Variants in PLCL1 observed in about 807,000 individuals in gnomAD.
The protein encoded by PLCL1 is phospholipase C like 1 (inactive).
Under a neutral mutation model 84.4 loss-of-function variants are expected in PLCL1, and 41 were observed. The observed-to-expected ratio is 0.49, with a 90% CI of 0.38 to 0.63. The LOEUF is 0.63. PLCL1 is among the 30% of genes least tolerant of loss of function. The probability of loss-of-function intolerance (pLI) is 0.00; values close to 1 mark genes in which losing one functional copy is unlikely to be tolerated. For synonymous variants in PLCL1, 490 were observed against 488.3 expected (o/e 1.00, Z -0.05); for missense variants, 1,206 against 1,367.8 (o/e 0.88, Z 1.87).
intron 1 of PLCL1, among the ~76,000 whole-genome samples, chr2:197,858,155 A>T (rs1687363241): frequency 6.6e-6 from 1 of 152,104 alleles, no homozygotes; most frequent in Admixed American, 6.6e-5. Flanking sequence ...TGAATATGTG[A>T]TCTATTGGTA....
chr2:198,001,562 A>G (rs1262411578), intron 1 of PLCL1, among the ~76,000 whole-genome samples: 1 of 152,172 alleles, frequency 6.6e-6, no homozygotes, highest in Non-Finnish European at 1.5e-5. Flanking sequence ...AATTATACAG[A>G]ATGTTCTCTT....
intron 1 of PLCL1, among the ~76,000 whole-genome samples, chr2:197,890,682 C>CTATATATATATATATATA (rs1553500076): frequency 1.6e-4 from 19 of 116,192 alleles, no homozygotes; most frequent in African/African-American, 4.9e-4. Context: ...TATTTTTTTG[C>CTATATATATATATATATA]TATATATATA....
intron 1 of PLCL1, among the ~76,000 whole-genome samples, chr2:198,046,652 A>C (rs1048750805): frequency 6.6e-5 from 10 of 152,156 alleles, no homozygotes; most frequent in Non-Finnish European, 1.5e-4. Context: ...AGCCTGGGCA[A>C]CGTGGTAAAA....
chr2:197,958,932 A>C (rs1349500102), intron 1 of PLCL1, among the ~76,000 whole-genome samples: 1 of 136,822 alleles, frequency 7.3e-6, no homozygotes, highest in Non-Finnish European at 1.6e-5. Context: ...CCTCTTAATT[A>C]CTACAGGATT....
chr2:197,929,713 C>T (rs1688898234), intron 1 of PLCL1, among the ~76,000 whole-genome samples: 1 of 152,256 alleles, frequency 6.6e-6, no homozygotes, highest in African/African-American at 2.4e-5. Context: ...GGTATGAATT[C>T]TAATGAGAGA....
chr2:198,031,279 G>T (rs1343788314), intron 1 of PLCL1, among the ~76,000 whole-genome samples: 1 of 151,706 alleles, frequency 6.6e-6, no homozygotes, highest in Non-Finnish European at 1.5e-5. Context: ...GAGGCGTGAG[G>T]ATTGCTTGAA....
At chr2:197,915,522 A>G (rs1332090269) in intron 1 of PLCL1, among the ~76,000 whole-genome samples, 1 of 143,576 alleles carries the variant, frequency 7.0e-6, no homozygotes, top group African/African-American at 2.6e-5. Context: ...TCAGAAGGAG[A>G]TTTTTTTTTT....
intron 1 of PLCL1, among the ~76,000 whole-genome samples, chr2:197,923,244 C>T (rs1290858395): frequency 5.4e-5 from 8 of 148,162 alleles, no homozygotes; most frequent in Admixed American, 2.0e-4. Flanking sequence ...GGCGGCTGGC[C>T]GGGCGGGGGG....
chr2:197,833,091 T>G lies in PLCL1; in HGVS notation c.240+27752T>G, dbSNP rs772288099. On this transcript the variant is annotated intron_variant, in intron 1 of 5. Coordinates refer to ENST00000428675, the MANE Select transcript of PLCL1 (RefSeq NM_006226.4). The stretch of plus-strand genomic sequence containing the variant: ...GGTGACATGTGCCTGGAATCCCAGC[T>G]ACTCAGGAGGCTGAGGCAGAGAATC... Among the ~76,000 whole-genome samples, 8 of 152,308 alleles carry G rather than the reference T, an allele frequency of 5.3e-5. No individual in the cohort carries two copies. The Middle Eastern group carries it at 0.01, about 194-fold the overall frequency.
intron 1 of PLCL1, among the ~76,000 whole-genome samples, chr2:197,961,946 T>C (rs146178555): frequency 1.3e-5 from 2 of 152,054 alleles, no homozygotes; most frequent in African/African-American, 4.8e-5. Context: ...AGTTATTCTA[T>C]TATAATTAGT....
At chr2:197,856,741 T>G (rs1391835682) in intron 1 of PLCL1, among the ~76,000 whole-genome samples, 4 of 152,144 alleles carry the variant, frequency 2.6e-5, no homozygotes, top group African/African-American at 9.7e-5. Context: ...CAAGTTTAGT[T>G]CAGACAACCA....
chr2:197,959,314 A>G (rs1237852978), intron 1 of PLCL1, among the ~76,000 whole-genome samples: 1 of 152,024 alleles, frequency 6.6e-6, no homozygotes, highest in African/African-American at 2.4e-5. Flanking sequence ...TCTTCTCCAG[A>G]ATTCCCTCTT....
intron 1 of PLCL1, among the ~76,000 whole-genome samples, chr2:197,884,330 G>A (rs942376122): frequency 5.9e-5 from 9 of 152,154 alleles, no homozygotes; most frequent in African/African-American, 2.2e-4. Context: ...GAAAGATGGG[G>A]CATAGGGCAA....
At chr2:197,997,568 C>T (rs748388960) in intron 1 of PLCL1, among the ~76,000 whole-genome samples, 8 of 152,178 alleles carry the variant, frequency 5.3e-5, no homozygotes, top group African/African-American at 1.4e-4. Flanking sequence ...TGGCCCTGCA[C>T]GCACTGATGG....
intron 1 of PLCL1, among the ~76,000 whole-genome samples, chr2:197,963,666 A>G (rs1210945021): frequency 1.3e-5 from 2 of 152,178 alleles, no homozygotes; most frequent in African/African-American, 2.4e-5. Context: ...TGCCCAGTCC[A>G]ATGTCCTAGA....
intron 1 of PLCL1, among the ~76,000 whole-genome samples, chr2:197,864,212 G>C (rs996584259): frequency 1.4e-4 from 22 of 152,032 alleles, no homozygotes; most frequent in Admixed American, 7.2e-4. Context: ...GTCTTCTACT[G>C]TCCCCTGCCA....
In PLCL1 at chr2:198,145,872, C is replaced by T. The variant is rs186169905; in HGVS notation, c.3106-908C>T. On this transcript the variant is annotated intron_variant, in intron 5 of 5. Coordinates refer to ENST00000428675, the MANE Select transcript of PLCL1 (RefSeq NM_006226.4). Reference sequence around the variant, plus strand: ...AGCAATCGTCATAACCCCATATCCACCCATATTGTCCTTTCAAGGTCACAC... The same window carrying T: ...AGCAATCGTCATAACCCCATATCCATCCATATTGTCCTTTCAAGGTCACAC... Among the ~76,000 whole-genome samples, 762 of 152,264 alleles carry T rather than the reference C, an allele frequency of 5.0e-3. 6 individuals carry two copies. Among genetic ancestry groups the T allele is most frequent in the African/African-American group, 0.018 (735 of 41,566 alleles).
intron 5 of PLCL1, among the ~76,000 whole-genome samples, chr2:198,142,625 A>G (rs1694416038): frequency 6.6e-6 from 1 of 152,154 alleles, no homozygotes; most frequent in East Asian, 1.9e-4. Flanking sequence ...GTTACTTTCT[A>G]AATGTGTTGG....
chr2:197,807,517 C>T (rs1353873664), intron 1 of PLCL1, among the ~76,000 whole-genome samples: 1 of 111,806 alleles, frequency 8.9e-6, no homozygotes, highest in East Asian at 2.3e-4. Flanking sequence ...CTGTTCCACT[C>T]CGTCTCTGAG....
Sources: gnomAD v4.1 joint callset for allele counts (sites outside exome capture counted in the v4.1 genomes callset) on GRCh38, gnomAD v4.1.1 for gene constraint, MANE v1.5 for transcripts, NCBI Gene and HGNC (gene_info 2026-07-23, HGNC 2026-07-21) for gene names.